DDX6: variants seen among roughly 807,000 people sequenced by gnomAD.
DDX6 encodes the protein DEAD-box helicase 6, also known as probable ATP-dependent RNA helicase DDX6.
A neutral mutation model predicts 60.6 loss-of-function variants in DDX6; 7 were observed. That is an observed-to-expected ratio of 0.12 (90% confidence interval 0.07 to 0.22). DDX6 has a LOEUF of 0.22. Ranked by LOEUF, DDX6 falls within the 10% of genes least tolerant of loss-of-function variation. The pLI is 1.00. For synonymous variants in DDX6, 207 were observed against 201.0 expected, an observed-to-expected ratio of 1.03 and a Z score of -0.25; for missense variants, 270 against 589.9, an observed-to-expected ratio of 0.46 and a Z score of 5.62.
intron 4 of DDX6, among the ~76,000 whole-genome samples, chr11:118,778,944 C>T (rs1156281417): frequency 6.6e-6 from 1 of 151,948 alleles, no homozygotes; most frequent in Non-Finnish European, 1.5e-5. Context: ...CTATGGCGAA[C>T]CCAGGAGTTT....
chr11:118,790,321 C>G (rs1267820989), intron 1 of DDX6: 1 of 152,122 alleles, frequency 6.6e-6, no homozygotes, highest in Non-Finnish European at 1.5e-5. Context: ...CTTATCTGCG[C>G]AATATGAGCC....
intron 4 of DDX6, among the ~76,000 whole-genome samples, chr11:118,777,692 C>T (rs782576696): frequency 4.6e-5 from 7 of 151,984 alleles, no homozygotes; most frequent in Non-Finnish European, 4.4e-5. Flanking sequence ...AGTTCAAGAC[C>T]AGCCTGGTCT....
At chr11:118,780,035 G>A (rs1555164356) in intron 3 of DDX6, among the ~76,000 whole-genome samples, 1 of 131,460 alleles carries the variant, frequency 7.6e-6, no homozygotes, top group Non-Finnish European at 1.6e-5. Flanking sequence ...AGAATCGCTT[G>A]AACCCAGGAG....
At chr11:118,778,726 C>T (rs969071339) in intron 4 of DDX6, among the ~76,000 whole-genome samples, 3 of 152,122 alleles carry the variant, frequency 2.0e-5, no homozygotes, top group African/African-American at 7.2e-5. Context: ...TCAAAATTAA[C>T]ATCACCAAAG....
intron 4 of DDX6, among the ~76,000 whole-genome samples, chr11:118,771,541 T>C (rs1256158911): frequency 6.6e-6 from 1 of 152,060 alleles, no homozygotes; most frequent in Non-Finnish European, 1.5e-5. Flanking sequence ...CAGGAAATAA[T>C]GAAAAGCAAG....
At chr11:118,764,530 C>G (rs939970979) in intron 6 of DDX6, among the ~76,000 whole-genome samples, 1 of 152,090 alleles carries the variant, frequency 6.6e-6, no homozygotes, top group Non-Finnish European at 1.5e-5. Flanking sequence ...TATGGCCGGG[C>G]ACGGTGGCTC....
rs2137395808 is a variant in DDX6, at chr11:118,752,081, T to C, written c.*24A>G. The C allele has an allele frequency of 4.4e-6, 1 of 227,928 alleles. No individual in the cohort carries two copies. Among genetic ancestry groups the C allele is most frequent in the Non-Finnish European group, 9.0e-6 (1 of 110,712 alleles). 14.1% of individuals were successfully genotyped at this position (227,928 alleles called of 1,614,324 possible). ...TGTGTCACAGATCCAAACGAGCCTT[T>C]TGTAATTTGTCAAAGCCTACAGAAG... On this transcript the variant is annotated 3_prime_UTR_variant, in exon 14 of 14. Transcript: ENST00000534980.
intron 4 of DDX6, among the ~76,000 whole-genome samples, chr11:118,771,727 G>C (rs1861541963): frequency 6.6e-6 from 1 of 152,212 alleles, no homozygotes; most frequent in Non-Finnish European, 1.5e-5. Context: ...TCCTAAACAG[G>C]ATTAGTTTGC....
intron 4 of DDX6, among the ~76,000 whole-genome samples, chr11:118,773,099 C>T (rs944265249): frequency 6.6e-6 from 1 of 152,164 alleles, no homozygotes; most frequent in Admixed American, 6.6e-5. Flanking sequence ...TAAGTTAGAT[C>T]GAGTTGGTTT....
intron 7 of DDX6, among the ~76,000 whole-genome samples, chr11:118,761,696 A>G (rs970227263): frequency 1.5e-4 from 23 of 152,014 alleles, no homozygotes; most frequent in Admixed American, 5.2e-4. Flanking sequence ...TTAAACCTAA[A>G]CTCTGGCATC....
At chr11:118,764,442 A>G (rs1861281054) in intron 6 of DDX6, among the ~76,000 whole-genome samples, 1 of 151,994 alleles carries the variant, frequency 6.6e-6, no homozygotes, top group African/African-American at 2.4e-5. Context: ...ATACCACCCC[A>G]TAGCAAACAA....
At chr11:118,781,079 G>C in intron 3 of DDX6, 42 bp downstream of exon 3, 1 of 1,380,496 alleles carries the variant, frequency 7.2e-7, no homozygotes, top group South Asian at 1.2e-5. Context: ...CTCACTTCTA[G>C]TTCCCCACCA....
chr11:118,787,153 T>C (rs1273732284), intron 1 of DDX6: 1 of 152,090 alleles, frequency 6.6e-6, no homozygotes, highest in Non-Finnish European at 1.5e-5. Flanking sequence ...CTGGACAACA[T>C]AGCGAAACCC....
chr11:118,765,481 C>G, intron 5 of DDX6, 126 bp from the exon 6 acceptor site: 1 of 961,734 alleles, frequency 1.0e-6, no homozygotes. Flanking sequence ...TGGCTCACAC[C>G]TGTAACTGCA....
intron 2 of DDX6, among the ~76,000 whole-genome samples, chr11:118,781,788 C>A (rs1555164763): frequency 6.6e-6 from 1 of 151,750 alleles, no homozygotes. Context: ...ATTAGCCAGG[C>A]ATGGTGGGAC....
chr11:118,768,644 G>C (rs11217020), intron 4 of DDX6, among the ~76,000 whole-genome samples: 11 of 151,970 alleles, frequency 7.2e-5, no homozygotes, highest in African/African-American at 2.4e-4. Context: ...AGAAAATGGA[G>C]GAACTCAGGC....
chr11:118,778,412 C>A (rs1861776269), intron 4 of DDX6, among the ~76,000 whole-genome samples: 1 of 152,096 alleles, frequency 6.6e-6, no homozygotes, highest in Non-Finnish European at 1.5e-5. Context: ...TAGCATCCCC[C>A]CATTGATGAT....
rs1246747914 is a variant in DDX6, at chr11:118,749,038, T to C, written c.*3067A>G. Reference sequence around the variant, plus strand: ...TCTCTCTTACTTCTGTGAAAGATCATTTTAGAATAAATGTATTCCATTCCT... The same window carrying C: ...TCTCTCTTACTTCTGTGAAAGATCACTTTAGAATAAATGTATTCCATTCCT... On this transcript the variant is annotated 3_prime_UTR_variant, in exon 14 of 14. Coordinates refer to ENST00000534980, the MANE Select transcript of DDX6 (RefSeq NM_004397.6). 6.6e-6 allele frequency: 1 copy of C among 152,156 alleles called. No individual in the cohort carries two copies. Among genetic ancestry groups the C allele is most frequent in the African/African-American group, 2.4e-5 (1 of 41,432 alleles). 9.4% of individuals were successfully genotyped at this position (152,156 alleles called of 1,614,324 possible). A position where few individuals can be genotyped will look rare whatever the true frequency, so the allele number is the denominator to read the frequency against.
chr11:118,756,780 G>C (rs1480265975), intron 10 of DDX6, among the ~76,000 whole-genome samples: 1 of 152,176 alleles, frequency 6.6e-6, no homozygotes, highest in East Asian at 1.9e-4. Context: ...CTGAGCACTT[G>C]AAATGTGGCT....
Sources: gnomAD v4.1 joint callset for allele counts (sites outside exome capture counted in the v4.1 genomes callset) on GRCh38, gnomAD v4.1.1 for gene constraint, MANE v1.5 for transcripts, NCBI Gene and HGNC (gene_info 2026-07-23, HGNC 2026-07-21) for gene names.